Variants in HIVEP3 observed in about 807,000 individuals in gnomAD.
HIVEP3 encodes HIVEP zinc finger 3.
A neutral mutation model predicts 152.8 loss-of-function variants in HIVEP3; 49 were observed. That is an observed-to-expected ratio of 0.32 (90% CI 0.26 to 0.41). The LOEUF (loss-of-function observed/expected upper bound fraction) is 0.41, where lower values mean the gene tolerates loss of function less well. Among genes scored for constraint, HIVEP3 ranks in the 10% least tolerant of loss-of-function variants. The pLI, the probability that HIVEP3 is intolerant of heterozygous loss-of-function variation, is 1.00. For missense variants in HIVEP3, 2,790 were observed against 3,103.3 expected (o/e 0.90, Z 2.40); for synonymous variants, 1,269 against 1,289.0 (o/e 0.98, Z 0.33).
Position 41,752,440 on chromosome 1 carries a change from C to T in HIVEP3, c.-800-51445G>A, listed in dbSNP as rs144596273. 2.6e-3 allele frequency among the ~76,000 whole-genome samples: 391 copies of T among 152,318 alleles called. 3 individuals carry two copies. Among genetic ancestry groups the T allele is most frequent in the Admixed American group, 7.4e-3 (114 of 15,304 alleles). On this transcript the variant is annotated intron_variant, in intron 1 of 8. Coordinates refer to ENST00000372583, the MANE Select transcript of HIVEP3 (RefSeq NM_024503.5). ...GGAAAAAGACCAGGGAAGACTGCGG[C>T]TCTGACTGTGATGTGGTCAGCACGG...
At chr1:41,530,527 T>C (rs1390549680) in intron 5 of HIVEP3, among the ~76,000 whole-genome samples, 1 of 152,184 alleles carries the variant, frequency 6.6e-6, no homozygotes, top group East Asian at 1.9e-4. Context: ...TGAGGACAGC[T>C]TGGTCTCCCC....
At chr1:41,523,598 C>A (rs1305716774) in intron 6 of HIVEP3, among the ~76,000 whole-genome samples, 1 of 152,140 alleles carries the variant, frequency 6.6e-6, no homozygotes, top group Non-Finnish European at 1.5e-5. Flanking sequence ...ACGGAAGGGG[C>A]CAAGCAGCAA....
intron 1 of HIVEP3, among the ~76,000 whole-genome samples, chr1:41,986,438 C>CTT (rs34078704): frequency 1.2e-4 from 13 of 112,482 alleles, no homozygotes; most frequent in East Asian, 2.6e-4. Context: ...TTGAATAGGA[C>CTT]TTTTTTTTTT....
intron 5 of HIVEP3, among the ~76,000 whole-genome samples, chr1:41,534,480 T>C (rs953352456): frequency 2.0e-5 from 3 of 152,138 alleles, no homozygotes; most frequent in African/African-American, 7.2e-5. Context: ...GGTCCTGTCC[T>C]TCGGAGGCCT....
intron 1 of HIVEP3, among the ~76,000 whole-genome samples, chr1:41,840,346 C>G (rs1015680617): frequency 2.0e-5 from 3 of 152,158 alleles, no homozygotes; most frequent in Non-Finnish European, 4.4e-5. Context: ...TGCATGGATT[C>G]ACAGAGGGAG....
At chr1:41,779,788 T>G (rs12405040) in intron 1 of HIVEP3, among the ~76,000 whole-genome samples, 16,721 of 152,254 alleles carry the variant, frequency 0.11, 1,175 homozygotes, top group South Asian at 0.23. Context: ...TGTGCCACCG[T>G]ACCTGGCCAG....
chr1:41,928,706 C>T (rs750054421), intron 1 of HIVEP3, among the ~76,000 whole-genome samples: 4 of 152,238 alleles, frequency 2.6e-5, no homozygotes, highest in South Asian at 2.1e-4. Flanking sequence ...GAGTACTTGG[C>T]AGGTATTTTG....
At chr1:41,749,717 G>C (rs755903871) in intron 1 of HIVEP3, among the ~76,000 whole-genome samples, 15 of 150,728 alleles carry the variant, frequency 1.0e-4, no homozygotes, top group Non-Finnish European at 1.8e-4. Flanking sequence ...TCTTGGATAA[G>C]ACATCTCGCT....
chr1:41,563,291 G>C (rs1283265906), intron 5 of HIVEP3, among the ~76,000 whole-genome samples: 2 of 151,846 alleles, frequency 1.3e-5, no homozygotes, highest in African/African-American at 4.8e-5. Flanking sequence ...AGGTGGCAGT[G>C]AGCTGTGATC....
Position 41,525,117 on chromosome 1 carries a change from C to T in HIVEP3, c.5208-207G>A, listed in dbSNP as rs567861878. The stretch of plus-strand genomic sequence containing the variant: ...GACCCCTGCGCCCCTCCCCCTCAGA[C>T]GGGGGGTTGCACTATTCTTCCTCCT... On this transcript the variant is annotated intron_variant, in intron 5 of 8. Coordinates refer to ENST00000372583, the MANE Select transcript of HIVEP3 (RefSeq NM_024503.5). 1.4e-4 allele frequency among the ~76,000 whole-genome samples: 22 copies of T among 152,272 alleles called. No individual in the cohort carries two copies. The East Asian group carries it at 3.1e-3, about 21-fold the overall frequency.
In HIVEP3 at chr1:41,583,008, A is replaced by G. The variant is rs762169659; in HGVS notation, c.1790T>C (p.Leu597Ser). 1.2e-6 allele frequency: 2 copies of G among 1,613,936 alleles called. No homozygotes were observed. Among genetic ancestry groups the G allele is most frequent in the South Asian group, 1.1e-5 (1 of 91,044 alleles). ...LKRQPAIELP[L>S]GGEYSSEEPG... ...CTCCTCAGAACTGTATTCCCCTCCC[A>G]AAGGTAATTCGATTGCCGGCTGGCG... Residue 597 changes from leucine to serine, a missense_variant, in exon 4 of 9, where the codon TTG (leucine) becomes TCG (serine). Leu to Ser is a moderately radical substitution (Grantham distance 145). This residue lies in a region of HIVEP3 where 339 missense variants were observed against 327.0 expected (regional missense o/e 1.04). Transcript: ENST00000372583. This position sits in a 1 kb window ranked among gnomAD's most constrained non-coding sequence, Gnocchi z 6.9.
chr1:41,532,778 C>T (rs1008678544), intron 5 of HIVEP3, among the ~76,000 whole-genome samples: 4 of 152,066 alleles, frequency 2.6e-5, no homozygotes, highest in African/African-American at 7.2e-5. Flanking sequence ...ATGAGATGCC[C>T]ATGAGGAAGA....
rs1644448192 is a variant in HIVEP3 at position 41,511,061 on chromosome 1, T to C, written c.6611A>G (p.Gln2204Arg). Residue 2204 changes from glutamine (Q) to arginine (R), a missense_variant, in exon 9 of 9, where the codon CAG (glutamine) becomes CGG (arginine). Physicochemically the swap from Gln to Arg is conservative, Grantham distance 43. Around this residue, in one of 9 missense-constraint regions of HIVEP3, gnomAD observed 816 missense variants for 806.5 expected, o/e 1.01. Coordinates refer to ENST00000372583, the MANE Select transcript of HIVEP3 (RefSeq NM_024503.5). This position sits in a 1 kb window ranked among gnomAD's most constrained non-coding sequence, Gnocchi z 4.9. Reference protein sequence around the residue: ...LIPIGGIQMVQARPGAHPTLL... With the variant: ...LIPIGGIQMVRARPGAHPTLL... ...GGTGGGGTGGGCTCCTGGCCGGGCCTGCACCATCTGGATCCCACCGATGGG... is the reference window on the plus strand; with the variant it reads ...GGTGGGGTGGGCTCCTGGCCGGGCCCGCACCATCTGGATCCCACCGATGGG... 1 of 1,613,942 alleles carries C rather than the reference T, an allele frequency of 6.2e-7. No individual in the cohort carries two copies. Among genetic ancestry groups the C allele is most frequent in the Non-Finnish European group, 8.5e-7 (1 of 1,180,008 alleles).
In HIVEP3 at chr1:41,988,298, C is replaced by A. The variant is rs184094842; in HGVS notation, n.119+47509G>T. ...AATAATCAGCAGAATGAAAAAATAA[C>A]CTGAACAGGAGAAAATATTTGCAAA... On this transcript the variant is annotated intron_variant and non_coding_transcript_variant, in intron 1 of 3. Coordinates refer to the HIVEP3 transcript ENST00000489103. 4.9e-3 allele frequency among the ~76,000 whole-genome samples: 747 copies of A among 152,166 alleles called. 4 individuals are homozygous for A. The highest frequency in any genetic ancestry group is 0.017 in the African/African-American group (724 of 41,528).
chr1:42,003,320 A>T (rs762465120), intron 1 of HIVEP3, among the ~76,000 whole-genome samples: 1 of 152,018 alleles, frequency 6.6e-6, no homozygotes, highest in Non-Finnish European at 1.5e-5. Context: ...CAGGTGATCC[A>T]CCCTCCTCTG....
At chr1:41,995,637 T>C (rs1056652690) in intron 1 of HIVEP3, among the ~76,000 whole-genome samples, 1 of 152,184 alleles carries the variant, frequency 6.6e-6, no homozygotes, top group Non-Finnish European at 1.5e-5. Flanking sequence ...AAAAATGCCT[T>C]GTCAGTTAAA....
At chr1:41,693,252 T>C (rs1646222953) in intron 2 of HIVEP3, among the ~76,000 whole-genome samples, 2 of 152,176 alleles carry the variant, frequency 1.3e-5, no homozygotes, top group Non-Finnish European at 2.9e-5. Flanking sequence ...TTTGAAAGTA[T>C]CAATATATAA....
In HIVEP3 at chr1:41,584,898, T is replaced by C. The variant is rs1046082045; in HGVS notation, c.-101A>G. 4.2e-6 allele frequency: 5 copies of C among 1,179,128 alleles called. No individual in the cohort carries two copies. Among genetic ancestry groups the C allele is most frequent in the East Asian group, 5.2e-5 (2 of 38,418 alleles). 73.0% of individuals were successfully genotyped at this position (1,179,128 alleles called of 1,614,324 possible). A position where few individuals can be genotyped will look rare whatever the true frequency, so the allele number is the denominator to read the frequency against. On this transcript the variant is annotated 5_prime_UTR_variant, in exon 4 of 9. It removes an upstream start codon present in the reference 5' UTR. Transcript: ENST00000372583. The surrounding 1 kb of genome is among the most constrained non-coding windows in gnomAD (Gnocchi z 5.2). ...AAGGAGGTGTCCAGCTTTGGCCACA[T>C]TGGTCAAGAGCTGTGGGAGCCAAAC...
chr1:41,877,020 T>C (rs560757613), intron 1 of HIVEP3, among the ~76,000 whole-genome samples: 1 of 152,304 alleles, frequency 6.6e-6, no homozygotes, highest in African/African-American at 2.4e-5. Flanking sequence ...GGGAAGGCCA[T>C]GTGCATTGAG....
Sources: gnomAD v4.1 joint callset for allele counts (sites outside exome capture counted in the v4.1 genomes callset) on GRCh38, gnomAD v4.1.1 for gene constraint, gnomAD v4.1.1 regional missense constraint, Gnocchi (gnomAD v3.1) non-coding constraint, MANE v1.5 for transcripts, NCBI Gene and HGNC (gene_info 2026-07-23, HGNC 2026-07-21) for gene names.